The following CPQ variants were observed in gnomAD, a reference collection of about 807,000 sequenced individuals.
The protein encoded by CPQ is carboxypeptidase Q.
In CPQ, 37 loss-of-function variants were observed where a neutral mutation model predicts 45.7. The ratio of observed to expected loss-of-function variants is 0.81; its 90% CI spans 0.62 to 1.07. The LOEUF (loss-of-function observed/expected upper bound fraction) is 1.07, where lower values mean the gene tolerates loss of function less well. Ranked by LOEUF, CPQ falls within the 50% of genes least tolerant of loss-of-function variation. The pLI, the probability that CPQ is intolerant of heterozygous loss-of-function variation, is 0.00. For missense variants in CPQ, 537 were observed against 572.9 expected (o/e 0.94, Z 0.64); for synonymous variants, 186 against 205.8 (o/e 0.90, Z 0.82).
intron 4 of CPQ, among the ~76,000 whole-genome samples, chr8:96,947,219 A>T (rs1345598722): frequency 6.6e-6 from 1 of 152,182 alleles, no homozygotes; most frequent in Admixed American, 6.5e-5. Context: ...GACTAAGAAC[A>T]TGTATATATG....
chr8:96,663,762 T>TTG (rs1347156461), intron 1 of CPQ, among the ~76,000 whole-genome samples: 2 of 151,668 alleles, frequency 1.3e-5, no homozygotes, highest in Admixed American at 6.6e-5. Flanking sequence ...AGGTGTGTGT[T>TTG]TGTGTGTGTG....
rs1809985844 is a variant in CPQ at position 97,035,509 on chromosome 8, A to G, written c.1053+6015A>G. On this transcript the variant is annotated intron_variant, in intron 6 of 7. Coordinates refer to ENST00000220763, the MANE Select transcript of CPQ (RefSeq NM_016134.4). ...CATGTGGGAGTCCTAGTTGCTCCCT[A>G]TCTTTCCCAGTATGTGGTATCATTA... Among the ~76,000 whole-genome samples, 3 of 152,154 alleles carry G rather than the reference A, an allele frequency of 2.0e-5. No individual in the cohort carries two copies. In the South Asian group the frequency reaches 6.2e-4, roughly 32 times the overall value.
chr8:96,910,013 G>A (rs1036217286), intron 4 of CPQ, among the ~76,000 whole-genome samples: 4 of 152,148 alleles, frequency 2.6e-5, no homozygotes, highest in African/African-American at 9.7e-5. Flanking sequence ...TGATTCTGAA[G>A]CCACCACCAT....
chr8:96,712,461 C>T (rs1399521905), intron 1 of CPQ, among the ~76,000 whole-genome samples: 6 of 152,178 alleles, frequency 3.9e-5, no homozygotes, highest in Non-Finnish European at 8.8e-5. Context: ...AAACGTCTGC[C>T]TGGATATCCA....
intron 2 of CPQ, among the ~76,000 whole-genome samples, chr8:96,806,003 A>T (rs1011572180): frequency 1.3e-5 from 2 of 152,190 alleles, no homozygotes; most frequent in African/African-American, 4.8e-5. Flanking sequence ...ATTTCATAAG[A>T]GTGGCCATTA....
intron 1 of CPQ, among the ~76,000 whole-genome samples, chr8:96,665,823 T>C (rs566957996): frequency 1.4e-4 from 22 of 152,178 alleles, no homozygotes; most frequent in Non-Finnish European, 2.9e-4. Context: ...AGGTTCACAT[T>C]CCAGCGATCC....
chr8:96,845,708 T>C (rs1398660538), intron 3 of CPQ, among the ~76,000 whole-genome samples: 1 of 152,208 alleles, frequency 6.6e-6, no homozygotes, highest in Non-Finnish European at 1.5e-5. Context: ...ATAGTAAGGC[T>C]GAAAGAATAG....
intron 5 of CPQ, among the ~76,000 whole-genome samples, chr8:96,993,886 A>G (rs1035991373): frequency 3.9e-5 from 6 of 152,138 alleles, no homozygotes; most frequent in Non-Finnish European, 7.4e-5. Flanking sequence ...TAACAGAAAG[A>G]ATTAATGTTT....
rs184307082 is a variant in CPQ, at chr8:96,737,977, G to C, written c.-34-46887G>C. Among the ~76,000 whole-genome samples the C allele has an allele frequency of 3.9e-5, 6 of 151,908 alleles. No individual in the cohort carries two copies. In the East Asian group the frequency reaches 1.2e-3, roughly 29 times the overall value. ...ATTTTCTAATTTTTATTCTTCTATAGCCCATGAGTAATTTAGAAGTATGTT... is the reference window on the plus strand; with the variant it reads ...ATTTTCTAATTTTTATTCTTCTATACCCCATGAGTAATTTAGAAGTATGTT... On this transcript the variant is annotated intron_variant, in intron 1 of 7. Transcript: ENST00000220763.
At chr8:96,705,257 C>T (rs1389885077) in intron 1 of CPQ, among the ~76,000 whole-genome samples, 2 of 152,014 alleles carry the variant, frequency 1.3e-5, no homozygotes, top group African/African-American at 4.8e-5. Context: ...TCTTTTTCTT[C>T]TATTGTCCTT....
At chr8:96,732,913 A>G (rs2130771775) in intron 1 of CPQ, among the ~76,000 whole-genome samples, 1 of 152,268 alleles carries the variant, frequency 6.6e-6, no homozygotes, top group South Asian at 2.1e-4. Flanking sequence ...TTTTTTTTAA[A>G]TGTTTCAATG....
At chr8:96,839,481 G>T (rs1811576942) in intron 3 of CPQ, among the ~76,000 whole-genome samples, 1 of 151,944 alleles carries the variant, frequency 6.6e-6, no homozygotes, top group Admixed American at 6.6e-5. Context: ...ACCTTTCTTT[G>T]CTTTTGTCCT....
chr8:96,704,296 A>G (rs1402687351), intron 1 of CPQ, among the ~76,000 whole-genome samples: 1 of 152,176 alleles, frequency 6.6e-6, no homozygotes, highest in Non-Finnish European at 1.5e-5. Context: ...ATGTAGCTCT[A>G]AAAGAGCAGA....
chr8:97,044,737 G>C (rs1810202794), intron 6 of CPQ, among the ~76,000 whole-genome samples: 1 of 152,180 alleles, frequency 6.6e-6, no homozygotes, highest in Non-Finnish European at 1.5e-5. Flanking sequence ...GTTGGAGTTT[G>C]CTAGAGGTCC....
In CPQ at chr8:96,784,894, A is replaced by C; in HGVS notation, c.-4A>C. The C allele has an allele frequency of 6.3e-7, 1 of 1,588,922 alleles. No homozygotes were observed. Among genetic ancestry groups the C allele is most frequent in the Non-Finnish European group, 8.5e-7 (1 of 1,170,584 alleles). On this transcript the variant is annotated 5_prime_UTR_variant, in exon 2 of 8. Transcript: ENST00000220763. ...CTTAACAAGAAAACCAACTGGAAAA[A>C]AAAATGAAATTCCTTATCTTCGCAT...
intron 5 of CPQ, among the ~76,000 whole-genome samples, chr8:96,975,169 C>T (rs1813753290): frequency 6.6e-6 from 1 of 151,646 alleles, no homozygotes; most frequent in African/African-American, 2.4e-5. Flanking sequence ...GGAGATATTA[C>T]AACTGGTACC....
At chr8:96,837,593 A>G (rs977689188) in intron 3 of CPQ, among the ~76,000 whole-genome samples, 3 of 151,886 alleles carry the variant, frequency 2.0e-5, no homozygotes, top group African/African-American at 7.3e-5. Context: ...GTGTATCCTC[A>G]TCATGCTCCT....
At chr8:96,769,658 G>T (rs1401157225) in intron 1 of CPQ, among the ~76,000 whole-genome samples, 1 of 144,914 alleles carries the variant, frequency 6.9e-6, no homozygotes, top group Non-Finnish European at 1.5e-5. Context: ...TTGAGACAGG[G>T]TCTGGCTCTG....
intron 4 of CPQ, among the ~76,000 whole-genome samples, chr8:96,952,781 T>C (rs923552182): frequency 1.3e-5 from 2 of 152,116 alleles, no homozygotes; most frequent in East Asian, 1.9e-4. Context: ...TGTGGAACTT[T>C]CCATCTGTAG....
Sources: allele counts gnomAD v4.1 joint callset (sites outside exome capture counted in the v4.1 genomes callset), GRCh38; gene constraint gnomAD v4.1.1; transcripts MANE v1.5; gene names NCBI Gene and HGNC (gene_info 2026-07-23, HGNC 2026-07-21).